The following ASAP1 variants were observed in gnomAD, a reference collection of about 807,000 sequenced individuals.
ASAP1 encodes ArfGAP with SH3 domain, ankyrin repeat and PH domain 1.
ASAP1 carries 43 observed loss-of-function variants against 145.2 expected under a neutral mutation model. The ratio of observed to expected loss-of-function variants is 0.30; its 90% CI spans 0.23 to 0.38. The LOEUF (loss-of-function observed/expected upper bound fraction) is 0.38. ASAP1 is among the 10% of genes least tolerant of loss of function. ASAP1 has a pLI of 1.00. For synonymous variants in ASAP1, 546 were observed against 515.5 expected, an observed-to-expected ratio of 1.06 and a Z score of -0.80; for missense variants, 1,018 against 1,355.3, an observed-to-expected ratio of 0.75 and a Z score of 3.91.
chr8:130,256,785 TTA>T (rs1303685201), intron 3 of ASAP1, among the ~76,000 whole-genome samples: 2 of 89,530 alleles, frequency 2.2e-5, no homozygotes, highest in East Asian at 2.9e-4. Flanking sequence ...ATATATATCC[TTA>T]TATATATATA....
At chr8:130,092,268 T>C in intron 24 of ASAP1, 125 bp from the exon 25 acceptor site, 1 of 1,000,272 alleles carries the variant, frequency 1.0e-6, no homozygotes, top group Non-Finnish European at 1.4e-6. Flanking sequence ...AGCAAAAGGC[T>C]GGATATGGCT....
intron 18 of ASAP1, among the ~76,000 whole-genome samples, chr8:130,119,064 C>T (rs1429888943): frequency 1.3e-5 from 2 of 152,062 alleles, no homozygotes; most frequent in Non-Finnish European, 2.9e-5. Flanking sequence ...CAGAGCTTCA[C>T]GGAAAGGATT....
At chr8:130,093,686 A>AAAAAAAAAG (rs767063471) in intron 24 of ASAP1, among the ~76,000 whole-genome samples, 307 of 131,724 alleles carry the variant, frequency 2.3e-3, no homozygotes, top group African/African-American at 4.2e-3. Flanking sequence ...AAAAAAAAAA[A>AAAAAAAAAG]AAAGAAAGCT....
At chr8:130,223,665 A>G (rs1366016512) in intron 4 of ASAP1, among the ~76,000 whole-genome samples, 1 of 152,036 alleles carries the variant, frequency 6.6e-6, no homozygotes, top group South Asian at 2.1e-4. Flanking sequence ...TAGATGAGAA[A>G]GACTATGAAG....
chr8:130,272,204 C>G (rs1200871903), intron 3 of ASAP1, among the ~76,000 whole-genome samples: 1 of 151,814 alleles, frequency 6.6e-6, no homozygotes, highest in Non-Finnish European at 1.5e-5. Context: ...CATGAATAGA[C>G]ATAAAAATGA....
chr8:130,234,322 C>G (rs1818083587), intron 4 of ASAP1, among the ~76,000 whole-genome samples: 1 of 151,904 alleles, frequency 6.6e-6, no homozygotes, highest in African/African-American at 2.4e-5. Context: ...AATTTAAAAC[C>G]ATATCTCACC....
Position 130,160,158 on chromosome 8 carries a change from T to C in ASAP1, c.910-194A>G, listed in dbSNP as rs2097666076. On this transcript the variant is annotated intron_variant, in intron 11 of 29. Coordinates refer to ENST00000518721, the MANE Select transcript of ASAP1 (RefSeq NM_018482.4). ...ACACTTGCCAGAGTCACAAAGCAAG[T>C]CCGAGGCAGAGCTGGGGTCTGGGTC... is the stretch of plus-strand genomic sequence containing the variant. 7.1e-6 allele frequency: 4 copies of C among 562,034 alleles called. No homozygotes were observed. The Admixed American group carries it at 1.2e-4, about 17-fold the overall frequency. The allele number at this position is 562,034 out of a possible 1,614,324, so 34.8% of individuals were successfully genotyped here. A position where few individuals can be genotyped will look rare whatever the true frequency, so the allele number is the denominator to read the frequency against.
intron 17 of ASAP1, among the ~76,000 whole-genome samples, chr8:130,125,369 A>T (rs1488185615): frequency 1.3e-5 from 2 of 152,000 alleles, no homozygotes; most frequent in African/African-American, 4.8e-5. Flanking sequence ...TCATGATGGG[A>T]AGGGCAGAGG....
intron 1 of ASAP1, among the ~76,000 whole-genome samples, 173 bp downstream of exon 1, chr8:130,443,287 G>C (rs1277922386): frequency 2.0e-5 from 3 of 151,790 alleles, no homozygotes; most frequent in Admixed American, 2.0e-4. Flanking sequence ...CCCCAGCCCA[G>C]GGCCGGCGCC....
At chr8:130,297,408 C>A (rs1822352568) in intron 3 of ASAP1, among the ~76,000 whole-genome samples, 1 of 152,304 alleles carries the variant, frequency 6.6e-6, no homozygotes. Context: ...TATAAGTGGA[C>A]CAGCACAGTT....
rs767063471 is a variant in ASAP1 at position 130,093,686 on chromosome 8, A to AAAAAAG, written c.2402-1544_2402-1543insCTTTTT. Among the ~76,000 whole-genome samples, 928 of 131,476 alleles carry AAAAAAG rather than the reference A, an allele frequency of 7.1e-3. 29 individuals carry two copies. The highest frequency in any genetic ancestry group is 0.012 in the African/African-American group (367 of 30,448). The allele number at this position is 131,476 out of a possible 152,430, so 86.3% of individuals were successfully genotyped here. A position where few individuals can be genotyped will look rare whatever the true frequency, so the allele number is the denominator to read the frequency against. On this transcript the variant is annotated intron_variant, in intron 24 of 29. Coordinates refer to ENST00000518721, the MANE Select transcript of ASAP1 (RefSeq NM_018482.4). ...CGTCTCAAAAAAAAAAAAAAAAAAA[A>AAAAAAG]AAAGAAAGCTAAGAACACTGCCACA...
intron 1 of ASAP1, among the ~76,000 whole-genome samples, chr8:130,411,604 C>A (rs1309934878): frequency 6.6e-6 from 1 of 152,132 alleles, no homozygotes; most frequent in Admixed American, 6.5e-5. Flanking sequence ...GGGAAACCAC[C>A]CTAAGACAGG....
At chr8:130,256,628 A>C (rs1819531363) in intron 3 of ASAP1, among the ~76,000 whole-genome samples, 1 of 151,484 alleles carries the variant, frequency 6.6e-6, no homozygotes, top group South Asian at 2.1e-4. Context: ...AAATGTATTC[A>C]CTTAGAAGCT....
At chr8:130,268,492 C>A (rs1034350516) in intron 3 of ASAP1, among the ~76,000 whole-genome samples, 28 of 96,492 alleles carry the variant, frequency 2.9e-4, no homozygotes, top group Admixed American at 1.7e-3. Flanking sequence ...CGTCTTAAAA[C>A]ACACACACAC....
At chr8:130,429,458 C>G (rs1367806539) in intron 1 of ASAP1, among the ~76,000 whole-genome samples, 2 of 152,150 alleles carry the variant, frequency 1.3e-5, no homozygotes, top group Non-Finnish European at 2.9e-5. Flanking sequence ...TGACAGGTAA[C>G]AAAACTAAGG....
At chr8:130,237,298 C>T (rs187116749) in intron 3 of ASAP1, among the ~76,000 whole-genome samples, 3 of 152,106 alleles carry the variant, frequency 2.0e-5, no homozygotes, top group East Asian at 3.9e-4. Flanking sequence ...AATCTTAAGG[C>T]TTGGATTCTT....
intron 1 of ASAP1, among the ~76,000 whole-genome samples, chr8:130,408,312 G>C (rs1294059946): frequency 6.6e-6 from 1 of 152,244 alleles, no homozygotes; most frequent in Non-Finnish European, 1.5e-5. Context: ...GAGTAAGGAA[G>C]AGTACCCTTC....
At chr8:130,416,477 C>T (rs1408074343) in intron 1 of ASAP1, among the ~76,000 whole-genome samples, 6 of 152,208 alleles carry the variant, frequency 3.9e-5, no homozygotes, top group Admixed American at 3.9e-4. Context: ...AGCTGCCGAC[C>T]AGTCAACAAC....
chr8:130,327,558 CG>C (rs1244601526), intron 3 of ASAP1, among the ~76,000 whole-genome samples: 1 of 151,966 alleles, frequency 6.6e-6, no homozygotes, highest in Non-Finnish European at 1.5e-5. Flanking sequence ...TCTACTGAGA[CG>C]GGTAAAGAAG....
Sources: gnomAD v4.1 joint callset for allele counts (sites outside exome capture counted in the v4.1 genomes callset) on GRCh38, gnomAD v4.1.1 for gene constraint, MANE v1.5 for transcripts, NCBI Gene and HGNC (gene_info 2026-07-23, HGNC 2026-07-21) for gene names.